SNX14: variants seen among roughly 807,000 people sequenced by gnomAD.
SNX14 encodes the protein sorting nexin 14, also known as sorting nexin-14.
In SNX14, 93 loss-of-function variants were observed where a neutral mutation model predicts 133.8. The observed-to-expected ratio is 0.70, with a 90% CI of 0.59 to 0.83. SNX14 has a LOEUF of 0.83. SNX14 is among the 40% of genes least tolerant of loss of function. The probability of loss-of-function intolerance (pLI) is 0.00; values close to 1 mark genes in which losing one functional copy is unlikely to be tolerated. For synonymous variants in SNX14, 368 were observed against 365.6 expected (o/e 1.01, Z -0.07); for missense variants, 945 against 1,094.9 (o/e 0.86, Z 1.93).
intron 1 of SNX14, chr6:85,581,842 T>G (rs1350333393): frequency 6.6e-6 from 1 of 151,764 alleles, no homozygotes; most frequent in Admixed American, 6.6e-5. Context: ...ACTAAAAGAT[T>G]GAAAAAATAG....
chr6:85,538,919 A>G (rs1782760808), intron 15 of SNX14, 55 bp from the exon 16 acceptor site: 2 of 1,443,888 alleles, frequency 1.4e-6, no homozygotes. Context: ...GAAAGCCCAG[A>G]TATTATATAA....
At chr6:85,525,434 T>C (rs141052796) in intron 21 of SNX14, among the ~76,000 whole-genome samples, 1,982 of 152,290 alleles carry the variant, frequency 0.013, 19 homozygotes, top group Non-Finnish European at 0.02. Context: ...TTAACAATGA[T>C]ATTCAAAGCA....
Position 85,507,948 on chromosome 6 carries a change from CGAGCTTTAAT to C in SNX14, c.2745+10_2745+19del. ...ACCAAACCTAGCCAGCATGAGTTTA[CGAGCTTTAAT>C]GAGCTTTACCTGCTTGTTGAGTACT... On this transcript the variant is annotated intron_variant, in intron 27 of 28. Coordinates refer to ENST00000314673, the MANE Select transcript of SNX14 (RefSeq NM_153816.6). 6.2e-7 allele frequency: 1 copy of C among 1,604,590 alleles called. No homozygotes were observed. Among genetic ancestry groups the C allele is most frequent in the South Asian group, 1.1e-5 (1 of 90,330 alleles).
chr6:85,563,540 C>CG (rs956190091), intron 6 of SNX14, among the ~76,000 whole-genome samples: 2 of 152,052 alleles, frequency 1.3e-5, no homozygotes, highest in African/African-American at 4.8e-5. Flanking sequence ...TACAGATGCC[C>CG]GCCCCCATGC....
rs79378630 is a variant in SNX14 at position 85,592,146 on chromosome 6, C to G, written c.140+1433G>C. On this transcript the variant is annotated intron_variant, in intron 1 of 28. Coordinates refer to ENST00000314673, the MANE Select transcript of SNX14 (RefSeq NM_153816.6). ...AGTGTTCCCTCTGTTAAGGATCCCA[C>G]TTCTCCCACACTCCTACAGTTCAAA... Among the ~76,000 whole-genome samples the G allele has an allele frequency of 1.2e-3, 177 of 152,348 alleles. 1 individual carries two copies. The highest frequency in any genetic ancestry group is 0.01 in the Middle Eastern group (3 of 294).
chr6:85,529,322 GAAGA>G lies in SNX14; in HGVS notation c.1894+866_1894+869del, dbSNP rs1175197340. 2.0e-5 allele frequency among the ~76,000 whole-genome samples: 3 copies of G among 149,758 alleles called. No individual in the cohort carries two copies. The Admixed American group carries it at 2.0e-4, about 10-fold the overall frequency. ...TGAAGGAAGGAAACAAGGAAACGAA[GAAGA>G]AAGGAAGGAAACAAGGAAACGAAGG... On this transcript the variant is annotated intron_variant, in intron 19 of 28. Transcript: ENST00000314673.
intron 12 of SNX14, among the ~76,000 whole-genome samples, chr6:85,544,303 C>T (rs1242253874): frequency 2.0e-5 from 3 of 151,414 alleles, no homozygotes; most frequent in African/African-American, 7.3e-5. Context: ...AAGGAGTTTA[C>T]CTTTTACTTC....
At chr6:85,524,077 G>T (rs1582602674) in intron 21 of SNX14, among the ~76,000 whole-genome samples, 1 of 152,166 alleles carries the variant, frequency 6.6e-6, no homozygotes, top group East Asian at 1.9e-4. Context: ...AGCTACTAGG[G>T]AGGCTGAGGC....
At chr6:85,529,429 T>C (rs916858107) in intron 19 of SNX14, among the ~76,000 whole-genome samples, 1 of 152,160 alleles carries the variant, frequency 6.6e-6, no homozygotes, top group African/African-American at 2.4e-5. Context: ...AGCATGAATG[T>C]GCTTTCTCAG....
In SNX14 at chr6:85,508,371, T is replaced by C. The variant is rs1317702091; in HGVS notation, c.2654-312A>G. The C allele has an allele frequency of 4.9e-6, 5 of 1,029,558 alleles. No homozygotes were observed. In the African/African-American group the frequency reaches 8.5e-5, roughly 18 times the overall value. The allele number at this position is 1,029,558 out of a possible 1,614,324, so 63.8% of individuals were successfully genotyped here. On this transcript the variant is annotated intron_variant, in intron 26 of 28. Coordinates refer to ENST00000314673, the MANE Select transcript of SNX14 (RefSeq NM_153816.6). ...TAGTTGGAAAATAATACTTATTGTA[T>C]TACCCCACTAAGGGAAAACAAAACA...
chr6:85,585,807 A>G (rs543025605), intron 1 of SNX14, among the ~76,000 whole-genome samples: 27 of 152,266 alleles, frequency 1.8e-4, no homozygotes, highest in South Asian at 1.7e-3. Flanking sequence ...CCCATAATTA[A>G]GTAACTGATT....
At chr6:85,542,789 G>A (rs558474139) in intron 14 of SNX14, among the ~76,000 whole-genome samples, 6 of 151,990 alleles carry the variant, frequency 3.9e-5, no homozygotes, top group Non-Finnish European at 5.9e-5. Context: ...CTACTGAGAC[G>A]GAGTCTTGCT....
At chr6:85,553,089 C>T (rs1788361498) in intron 7 of SNX14, among the ~76,000 whole-genome samples, 1 of 152,164 alleles carries the variant, frequency 6.6e-6, no homozygotes, top group Admixed American at 6.5e-5. Flanking sequence ...GAATTCAGGT[C>T]GTAAGCATTA....
chr6:85,535,110 C>A (rs1781509779), intron 17 of SNX14, among the ~76,000 whole-genome samples: 1 of 150,098 alleles, frequency 6.7e-6, no homozygotes. Context: ...CTCACTGCAG[C>A]CTTGACCTCC....
chr6:85,590,941 T>C (rs746606889), intron 1 of SNX14, among the ~76,000 whole-genome samples: 21 of 152,194 alleles, frequency 1.4e-4, no homozygotes, highest in Admixed American at 3.3e-4. Context: ...CCTCAATCCA[T>C]AGTACATACC....
In SNX14 at chr6:85,536,642, A is replaced by G. The variant is rs545378867; in HGVS notation, c.1608+150T>C. The G allele has an allele frequency of 9.1e-5, 61 of 669,314 alleles. No individual in the cohort carries two copies. The South Asian group carries it at 1.4e-3, about 15-fold the overall frequency. 41.5% of individuals were successfully genotyped at this position (669,314 alleles called of 1,614,324 possible). On this transcript the variant is annotated intron_variant, in intron 17 of 28. Coordinates refer to ENST00000314673, the MANE Select transcript of SNX14 (RefSeq NM_153816.6). ...CACAACTAATGAAAGAATGAGAAAT[A>G]CAAAGGAAGTCTGAAGTAAGAAGAT... is the stretch of plus-strand genomic sequence containing the variant.
At chr6:85,527,657 G>A (rs561516141) in intron 20 of SNX14, among the ~76,000 whole-genome samples, 43 of 152,148 alleles carry the variant, frequency 2.8e-4, no homozygotes, top group African/African-American at 1.0e-3. Flanking sequence ...TGGAGAGCCT[G>A]ATGTCTCAAG....
chr6:85,568,513 A>T (rs896810346), intron 4 of SNX14: 1 of 152,258 alleles, frequency 6.6e-6, no homozygotes, highest in Non-Finnish European at 1.5e-5. Flanking sequence ...TAAGTTATAT[A>T]AGTGAAAAAG....
At chr6:85,535,145 AGC>A (rs1252720259) in intron 17 of SNX14, among the ~76,000 whole-genome samples, 1 of 151,126 alleles carries the variant, frequency 6.6e-6, no homozygotes, top group African/African-American at 2.4e-5. Flanking sequence ...CCTCCCAAGT[AGC>A]TACGACTACA....
Sources: gnomAD v4.1 joint callset for allele counts (sites outside exome capture counted in the v4.1 genomes callset) on GRCh38, gnomAD v4.1.1 for gene constraint, MANE v1.5 for transcripts, NCBI Gene and HGNC (gene_info 2026-07-23, HGNC 2026-07-21) for gene names.